The following ZBTB11 variants were observed in gnomAD, a reference collection of about 807,000 sequenced individuals.
The protein encoded by ZBTB11 is zinc finger and BTB domain-containing protein 11.
In ZBTB11, 68 loss-of-function variants were observed where a neutral mutation model predicts 113.1. That is an observed-to-expected ratio of 0.60 (90% CI 0.49 to 0.74). ZBTB11 has a LOEUF of 0.74. Ranked by LOEUF, ZBTB11 falls within the 30% of genes least tolerant of loss-of-function variation. The pLI is 0.00. For missense variants in ZBTB11, 1,104 were observed against 1,279.4 expected (o/e 0.86, Z 2.09); for synonymous variants, 518 against 452.6 (o/e 1.14, Z -1.83).
intron 1 of ZBTB11, 112 bp from the exon 2 acceptor site, chr3:101,672,325 T>C: frequency 1.5e-6 from 1 of 677,956 alleles, no homozygotes; most frequent in East Asian, 2.8e-5. Context: ...GACATTCATG[T>C]CCCATAAAAT....
chr3:101,659,214 C>G (rs1338199455), intron 6 of ZBTB11, among the ~76,000 whole-genome samples: 1 of 152,134 alleles, frequency 6.6e-6, no homozygotes, highest in Non-Finnish European at 1.5e-5. Flanking sequence ...ACATTCCAGC[C>G]TGAGAGATAG....
rs1936660302 is a variant in ZBTB11 at position 101,649,419 on chromosome 3, T to G, written c.*1747A>C. ...CAACTGATTTATGAACTGAAAATAG[T>G]AACAAGCTCAACTCCAAAGTTCATG... On this transcript the variant is annotated 3_prime_UTR_variant, in exon 11 of 11. Coordinates refer to ENST00000312938, the MANE Select transcript of ZBTB11 (RefSeq NM_014415.4). 6.6e-6 allele frequency: 1 copy of G among 152,242 alleles called. No individual in the cohort carries two copies. The highest frequency in any genetic ancestry group is 1.5e-5 in the Non-Finnish European group (1 of 68,036). 9.4% of individuals were successfully genotyped at this position (152,242 alleles called of 1,614,324 possible).
chr3:101,662,694 A>G (rs1936912412), intron 5 of ZBTB11, among the ~76,000 whole-genome samples: 1 of 152,158 alleles, frequency 6.6e-6, no homozygotes, highest in Non-Finnish European at 1.5e-5. Context: ...TCTCTTATAT[A>G]AATCATATGT....
chr3:101,676,583 CT>C, intron 1 of ZBTB11, 21 bp downstream of exon 1: 3 of 1,466,972 alleles, frequency 2.0e-6, no homozygotes, highest in Non-Finnish European at 2.7e-6. Context: ...AGCCCGCCCC[CT>C]CGCCGCGGGC....
Position 101,671,212 on chromosome 3 carries a change from C to T in ZBTB11, c.696G>A (p.Leu232=). 1.2e-6 allele frequency: 2 copies of T among 1,614,152 alleles called. No individual in the cohort carries two copies. The highest frequency in any genetic ancestry group is 1.7e-6 in the Non-Finnish European group (2 of 1,180,006). Residue 232 remains leucine (L), a synonymous_variant, in exon 3 of 11, where the codon TTG becomes TTA. Transcript: ENST00000312938. ...CTCGAAAATACTCGCTATTTGCTGACAAAACAGATTTATGAGCTTTGTACT... is the reference window on the plus strand; with the variant it reads ...CTCGAAAATACTCGCTATTTGCTGATAAAACAGATTTATGAGCTTTGTACT... The part of the protein sequence containing the change: ...GEEYKAHKSV[L]SANSEYFRDL...
intron 8 of ZBTB11, 22 bp from the exon 9 acceptor site, chr3:101,652,960 C>A: frequency 6.2e-7 from 1 of 1,601,188 alleles, no homozygotes; most frequent in Non-Finnish European, 8.5e-7. Flanking sequence ...TTCAGTTACC[C>A]AATTGGATAA....
intron 5 of ZBTB11, among the ~76,000 whole-genome samples, chr3:101,662,842 G>A (rs1936915070): frequency 6.6e-6 from 1 of 151,832 alleles, no homozygotes; most frequent in African/African-American, 2.4e-5. Context: ...GCTCCCTGTA[G>A]CCTTGACCTC....
chr3:101,656,087 T>C lies in ZBTB11; in HGVS notation c.2191+17A>G. ...AGTTTATGAAATGTAACTATGTCAATATAAATTTCTCATTACCTGTGTGAA... is the reference window on the plus strand; with the variant it reads ...AGTTTATGAAATGTAACTATGTCAACATAAATTTCTCATTACCTGTGTGAA... On this transcript the variant is annotated intron_variant, in intron 7 of 10. Coordinates refer to ENST00000312938, the MANE Select transcript of ZBTB11 (RefSeq NM_014415.4). 2 of 1,479,420 alleles carry C rather than the reference T, an allele frequency of 1.4e-6. No individual in the cohort carries two copies. Among genetic ancestry groups the C allele is most frequent in the Middle Eastern group, 2.3e-4 (1 of 4,382 alleles). The allele number at this position is 1,479,420 out of a possible 1,614,324, so 91.6% of individuals were successfully genotyped here.
At chr3:101,661,894 C>A (rs927007861) in intron 5 of ZBTB11, among the ~76,000 whole-genome samples, 1 of 152,008 alleles carries the variant, frequency 6.6e-6, no homozygotes. Flanking sequence ...TTCTTTCACT[C>A]CCATTTCTAA....
intron 1 of ZBTB11, among the ~76,000 whole-genome samples, chr3:101,675,886 G>C (rs948301244): frequency 2.6e-5 from 4 of 152,160 alleles, no homozygotes; most frequent in African/African-American, 9.6e-5. Flanking sequence ...CTTGAGGCCA[G>C]ATGGAGACCA....
chr3:101,673,934 G>C (rs776870983), intron 1 of ZBTB11, among the ~76,000 whole-genome samples: 1 of 151,822 alleles, frequency 6.6e-6, no homozygotes, highest in Non-Finnish European at 1.5e-5. Flanking sequence ...AAAAATTTTA[G>C]CTATATGCAA....
At position 101,665,786 on chromosome 3, in the gene ZBTB11, A is replaced by G; in HGVS notation, c.801T>C (p.Leu267=). The G allele has an allele frequency of 6.2e-7, 1 of 1,603,480 alleles. No individual in the cohort carries two copies. The highest frequency in any genetic ancestry group is 8.5e-7 in the Non-Finnish European group (1 of 1,176,172). ...DLSGFCKASF[L]PLLEFAYTSV... is the part of the protein sequence containing the mutation. The stretch of plus-strand genomic sequence containing the variant: ...AAGTATAGGCAAATTCCAGTAAAGG[A>G]AGGAAGCTGGCCTTACAAAAACCTG... The change falls in exon 4 of 11, where the codon CTT becomes CTC. Residue 267 remains leucine, a synonymous_variant. Transcript: ENST00000312938.
rs1247799654 is a variant in ZBTB11, at chr3:101,649,619, C to G, written c.*1547G>C. 1.3e-5 allele frequency: 2 copies of G among 152,478 alleles called. No individual in the cohort carries two copies. The highest frequency in any genetic ancestry group is 4.8e-5 in the African/African-American group (2 of 41,412). 9.4% of individuals were successfully genotyped at this position (152,478 alleles called of 1,614,324 possible). ...CTAACTGAAAGATAAGATAAATGAG[C>G]AGCCATTATAAAGTTATGGGCTGTA... On this transcript the variant is annotated 3_prime_UTR_variant, in exon 11 of 11. Coordinates refer to ENST00000312938, the MANE Select transcript of ZBTB11 (RefSeq NM_014415.4).
Position 101,661,077 on chromosome 3 carries a change from T to C in ZBTB11, c.1801-1049A>G, listed in dbSNP as rs142203865. Among the ~76,000 whole-genome samples, 25 of 151,642 alleles carry C rather than the reference T, an allele frequency of 1.6e-4. No individual in the cohort carries two copies. The East Asian group carries it at 4.5e-3, about 27-fold the overall frequency. ...TAAAACCCTGTCTCTACAAAAAAAA[T>C]AGAAAAATTAGCCGAGCATTATGGT... is the stretch of plus-strand genomic sequence containing the variant. On this transcript the variant is annotated intron_variant, in intron 5 of 10. Transcript: ENST00000312938.
intron 6 of ZBTB11, among the ~76,000 whole-genome samples, chr3:101,657,582 A>AC: frequency 6.6e-6 from 1 of 152,106 alleles, no homozygotes; most frequent in East Asian, 1.9e-4. Flanking sequence ...TATACATAAA[A>AC]CACATGTACC....
rs1408628439 is a variant in ZBTB11 at position 101,650,311 on chromosome 3, CTTG to C, written c.*852_*854del. ...CAAATCTAGTTTGTTTGTTCATTAA[CTTG>C]TTCATTCTTTGCAAATAATGAGAAT... On this transcript the variant is annotated 3_prime_UTR_variant, in exon 11 of 11. Coordinates refer to ENST00000312938, the MANE Select transcript of ZBTB11 (RefSeq NM_014415.4). The C allele has an allele frequency of 2.0e-5, 3 of 152,346 alleles. No individual in the cohort carries two copies. Among genetic ancestry groups the C allele is most frequent in the Non-Finnish European group, 2.9e-5 (2 of 68,006 alleles). 9.4% of individuals were successfully genotyped at this position (152,346 alleles called of 1,614,324 possible). A position where few individuals can be genotyped will look rare whatever the true frequency, so the allele number is the denominator to read the frequency against.
intron 3 of ZBTB11, among the ~76,000 whole-genome samples, chr3:101,670,219 G>A (rs1937066577): frequency 6.6e-6 from 1 of 152,180 alleles, no homozygotes; most frequent in Non-Finnish European, 1.5e-5. Flanking sequence ...AAGCATAAAA[G>A]GATAAGTGGT....
intron 1 of ZBTB11, among the ~76,000 whole-genome samples, chr3:101,674,603 G>A (rs1355241584): frequency 6.6e-6 from 1 of 151,804 alleles, no homozygotes; most frequent in Admixed American, 6.6e-5. Context: ...TGGAGACTGA[G>A]GCACCAGAAT....
chr3:101,658,137 G>T (rs1391897652), intron 6 of ZBTB11, among the ~76,000 whole-genome samples: 1 of 152,090 alleles, frequency 6.6e-6, no homozygotes, highest in Non-Finnish European at 1.5e-5. Flanking sequence ...AATATACCAT[G>T]GAATACCACT....
Sources: gnomAD v4.1 joint callset for allele counts (sites outside exome capture counted in the v4.1 genomes callset) on GRCh38, gnomAD v4.1.1 for gene constraint, MANE v1.5 for transcripts, NCBI Gene and HGNC (gene_info 2026-07-23, HGNC 2026-07-21) for gene names.